ELOVL5: variants seen among roughly 807,000 people sequenced by gnomAD.
ELOVL5 encodes very long chain fatty acid elongase 5.
Under a neutral mutation model 38.6 loss-of-function variants are expected in ELOVL5, and 8 were observed. The ratio of observed to expected loss-of-function variants is 0.21; its 90% CI spans 0.12 to 0.37. ELOVL5 has a LOEUF of 0.37. Among genes scored for constraint, ELOVL5 ranks in the 10% least tolerant of loss-of-function variants. The pLI is 1.00. For synonymous variants in ELOVL5, 127 were observed against 133.7 expected, an observed-to-expected ratio of 0.95 and a Z score of 0.34; for missense variants, 280 against 367.8, an observed-to-expected ratio of 0.76 and a Z score of 1.95.
intron 1 of ELOVL5, among the ~76,000 whole-genome samples, chr6:53,347,517 A>T (rs28722818): frequency 0.14 from 20,620 of 152,218 alleles, 1,626 homozygotes; most frequent in African/African-American, 0.21. Context: ...CCAACAGGTT[A>T]TCTGCCAAGC....
intron 1 of ELOVL5, among the ~76,000 whole-genome samples, chr6:53,313,059 C>T (rs1033245003): frequency 6.6e-6 from 1 of 152,152 alleles, no homozygotes; most frequent in Non-Finnish European, 1.5e-5. Flanking sequence ...TAATTAACTT[C>T]GAGGAATCAT....
intron 1 of ELOVL5, among the ~76,000 whole-genome samples, chr6:53,308,425 A>C (rs1162464741): frequency 6.6e-6 from 1 of 152,176 alleles, no homozygotes; most frequent in African/African-American, 2.4e-5. Flanking sequence ...GTGCCTGACC[A>C]ATTATTGATT....
At chr6:53,334,430 T>C (rs1768956110) in intron 1 of ELOVL5, among the ~76,000 whole-genome samples, 1 of 152,202 alleles carries the variant, frequency 6.6e-6, no homozygotes, top group African/African-American at 2.4e-5. Context: ...ATTTACTAAT[T>C]TTTAAGTATT....
intron 1 of ELOVL5, among the ~76,000 whole-genome samples, chr6:53,300,261 C>CT (rs1767197243): frequency 6.6e-6 from 1 of 152,116 alleles, no homozygotes; most frequent in South Asian, 2.1e-4. Context: ...TCAATACAAC[C>CT]TCATGTTTGT....
chr6:53,321,089 T>C (rs1768287135), intron 1 of ELOVL5, among the ~76,000 whole-genome samples: 1 of 152,246 alleles, frequency 6.6e-6, no homozygotes, highest in African/African-American at 2.4e-5. Flanking sequence ...TCATCCATGC[T>C]TGTGATAATC....
chr6:53,305,314 TGGCCGGGC>T (rs1257835096), intron 1 of ELOVL5, among the ~76,000 whole-genome samples: 81 of 116,242 alleles, frequency 7.0e-4, no homozygotes, highest in Non-Finnish European at 1.2e-3. Context: ...ACAGGGCGGC[TGGCCGGGC>T]AGGGGGCTGA....
At chr6:53,321,086 T>A (rs1768287047) in intron 1 of ELOVL5, among the ~76,000 whole-genome samples, 1 of 152,220 alleles carries the variant, frequency 6.6e-6, no homozygotes, top group African/African-American at 2.4e-5. Context: ...AGCTCATCCA[T>A]GCTTGTGATA....
At chr6:53,275,830 T>C (rs1323483134) in intron 4 of ELOVL5, among the ~76,000 whole-genome samples, 1 of 152,228 alleles carries the variant, frequency 6.6e-6, no homozygotes, top group Non-Finnish European at 1.5e-5. Context: ...TCAGATTTTA[T>C]TTTTAACACC....
At chr6:53,299,862 T>C (rs1767175451) in intron 1 of ELOVL5, among the ~76,000 whole-genome samples, 1 of 152,236 alleles carries the variant, frequency 6.6e-6, no homozygotes, top group African/African-American at 2.4e-5. Context: ...TTGAGAATTT[T>C]TCTCCTAGGT....
intron 3 of ELOVL5, among the ~76,000 whole-genome samples, chr6:53,284,966 A>G (rs1766507409): frequency 6.6e-6 from 1 of 152,140 alleles, no homozygotes; most frequent in Non-Finnish European, 1.5e-5. Context: ...CCCCCTAACC[A>G]TCTCTTTCTT....
intron 1 of ELOVL5, among the ~76,000 whole-genome samples, chr6:53,335,359 A>G (rs1769009314): frequency 6.6e-6 from 1 of 152,114 alleles, no homozygotes; most frequent in South Asian, 2.1e-4. Flanking sequence ...TCCCTGGTCT[A>G]CTTTCTGTTC....
chr6:53,275,660 C>A (rs1766083593), intron 4 of ELOVL5, among the ~76,000 whole-genome samples: 1 of 152,174 alleles, frequency 6.6e-6, no homozygotes, highest in Non-Finnish European at 1.5e-5. Context: ...TAACATGGAG[C>A]AGCCGACCTG....
intron 1 of ELOVL5, among the ~76,000 whole-genome samples, chr6:53,335,009 A>G (rs928064150): frequency 2.0e-5 from 3 of 152,212 alleles, no homozygotes; most frequent in Non-Finnish European, 2.9e-5. Flanking sequence ...ATTCTGGGCA[A>G]GCCATTTAAA....
At chr6:53,274,890 C>G (rs557898416) in intron 5 of ELOVL5, among the ~76,000 whole-genome samples, 200 bp downstream of exon 5, 21 of 152,290 alleles carry the variant, frequency 1.4e-4, no homozygotes, top group Admixed American at 1.2e-3. Context: ...CTCATCTCAC[C>G]CAATCAGCAC....
At chr6:53,276,121 A>T in intron 4 of ELOVL5, 58 bp downstream of exon 4, 1 of 1,216,776 alleles carries the variant, frequency 8.2e-7, no homozygotes, top group South Asian at 1.3e-5. Flanking sequence ...ATTTTATACA[A>T]TTTATTTTTA....
chr6:53,311,562 C>G (rs1694808173), intron 1 of ELOVL5, among the ~76,000 whole-genome samples: 2 of 152,038 alleles, frequency 1.3e-5, no homozygotes, highest in Non-Finnish European at 2.9e-5. Flanking sequence ...TTATAACAGT[C>G]AAAAAGTAAA....
chr6:53,340,233 T>A (rs903452422), intron 1 of ELOVL5, among the ~76,000 whole-genome samples: 4 of 151,638 alleles, frequency 2.6e-5, no homozygotes, highest in Admixed American at 2.0e-4. Context: ...GGAAGAAAAA[T>A]ATATATTAAA....
intron 2 of ELOVL5, among the ~76,000 whole-genome samples, chr6:53,295,039 TTG>T (rs1766937764): frequency 1.3e-5 from 2 of 152,226 alleles, no homozygotes; most frequent in South Asian, 4.1e-4. Context: ...GTTATTTCTT[TTG>T]TGTTTTAAAA....
chr6:53,323,113 C>G (rs1438696107), intron 1 of ELOVL5, among the ~76,000 whole-genome samples: 2 of 152,312 alleles, frequency 1.3e-5, no homozygotes, highest in Admixed American at 1.3e-4. Context: ...GTTGGCTCCA[C>G]AACCTGCACT....
Sources: gnomAD v4.1 joint callset for allele counts (sites outside exome capture counted in the v4.1 genomes callset) on GRCh38, gnomAD v4.1.1 for gene constraint, MANE v1.5 for transcripts, NCBI Gene and HGNC (gene_info 2026-07-23, HGNC 2026-07-21) for gene names.